AMY2B: variants seen among roughly 807,000 people sequenced by gnomAD.
The protein encoded by AMY2B is amylase alpha 2B.
In AMY2B, 63 loss-of-function variants were observed where a neutral mutation model predicts 59.3. That is an observed-to-expected ratio of 1.06 (90% CI 0.87 to 1.31). AMY2B has a LOEUF of 1.31. Among genes scored for constraint, AMY2B ranks in the 50% most tolerant of loss-of-function variants. The pLI is 0.00. For synonymous variants in AMY2B, 180 were observed against 198.1 expected (o/e 0.91, Z 0.77); for missense variants, 635 against 626.7 (o/e 1.01, Z -0.14).
In AMY2B at chr1:103,574,407, A is replaced by G. The variant is rs1405264924; in HGVS notation, c.878+14A>G. 19 of 1,610,770 alleles carry G rather than the reference A, an allele frequency of 1.2e-5. No individual in the cohort carries two copies. Among genetic ancestry groups the G allele is most frequent in the East Asian group, 6.7e-5 (3 of 44,866 alleles). ...GTCTTACCTAAAGTAAATAAATACA[A>G]CTTTTCCCCTGAAGTATTTCATAGA... On this transcript the variant is annotated intron_variant, in intron 5 of 9. Coordinates refer to ENST00000684275, the MANE Select transcript of AMY2B (RefSeq NM_001387437.1).
At chr1:103,572,615 T>G (rs549641121) in intron 2 of AMY2B, among the ~76,000 whole-genome samples, 1 of 152,332 alleles carries the variant, frequency 6.6e-6, no homozygotes, top group South Asian at 2.1e-4. Context: ...CCATAATTCC[T>G]GGGTTTTTCG....
chr1:103,571,411 A>T, upstream of AMY2B: 5 of 1,279,868 alleles, frequency 3.9e-6, no homozygotes, highest in East Asian at 2.5e-5. Flanking sequence ...CTAAAAGGTC[A>T]TTTAGATGAT....
rs140146360 is a variant in AMY2B, at chr1:103,571,630, A to G, written c.28A>G (p.Ile10Val). The change falls in exon 1 of 10, where the codon ATT (isoleucine) becomes GTT (valine). Residue 10 changes from isoleucine to valine, a missense_variant. By Grantham distance (29) the Ile-to-Val change is conservative. Transcript: ENST00000684275. ...GAAGTTCTTTCTGTTGCTTTTCACCATTGGGTTCTGCTGGGCTCAGTATTC... is the reference window on the plus strand; with the variant it reads ...GAAGTTCTTTCTGTTGCTTTTCACCGTTGGGTTCTGCTGGGCTCAGTATTC... MKFFLLLFT[I>V]GFCWAQYSPN... 57 of 1,611,694 alleles carry G rather than the reference A, an allele frequency of 3.5e-5. No individual in the cohort carries two copies. The African/African-American group carries it at 6.8e-4, about 19-fold the overall frequency.
intron 1 of AMY2B, chr1:103,562,110 G>T (rs1009111769): frequency 5.3e-5 from 8 of 152,162 alleles, no homozygotes; most frequent in Admixed American, 3.9e-4. Context: ...TTGTTTTAAT[G>T]TTTTTTGAGT....
At chr1:103,570,603 C>T (rs1396352925), upstream of AMY2B, 1 of 590,196 alleles carries the variant, frequency 1.7e-6, no homozygotes, top group East Asian at 4.2e-5. Context: ...GTCAGCCTTC[C>T]AGCAGATGTG....
upstream of AMY2B, chr1:103,569,521 C>T (rs930415470): frequency 1.8e-4 from 49 of 276,876 alleles, 1 homozygote; most frequent in South Asian, 1.3e-3. Context: ...GTTGTCCTGC[C>T]GCTCCACTGT....
chr1:103,574,434 T>A (rs774829154), intron 5 of AMY2B, 41 bp downstream of exon 5: 1 of 1,608,574 alleles, frequency 6.2e-7, no homozygotes, highest in East Asian at 2.2e-5. Flanking sequence ...TTTCATAGAT[T>A]TATTAGTCAT....
At chr1:103,560,821 T>C (rs1407120217) in intron 1 of AMY2B, among the ~76,000 whole-genome samples, 2 of 152,148 alleles carry the variant, frequency 1.3e-5, no homozygotes, top group Non-Finnish European at 2.9e-5. Flanking sequence ...TTTTAAAATA[T>C]TTTCATATAA....
upstream of AMY2B, among the ~76,000 whole-genome samples, chr1:103,567,157 T>C (rs1651936663): frequency 6.6e-6 from 1 of 152,160 alleles, no homozygotes; most frequent in Non-Finnish European, 1.5e-5. Context: ...GTAAGCTTCA[T>C]AAAGTTGTGG....
chr1:103,558,167 CAGAA>C (rs1393677490), intron 1 of AMY2B, among the ~76,000 whole-genome samples: 4 of 152,246 alleles, frequency 2.6e-5, no homozygotes, highest in African/African-American at 9.6e-5. Context: ...GAAATGTGAG[CAGAA>C]AGATTGTTTT....
At chr1:103,557,103 G>C (rs1651577554) in intron 1 of AMY2B, among the ~76,000 whole-genome samples, 1 of 151,944 alleles carries the variant, frequency 6.6e-6, no homozygotes, top group African/African-American at 2.4e-5. Flanking sequence ...ACGGTATATA[G>C]AGCGTCCATT....
chr1:103,569,538 C>T (rs1257316931), upstream of AMY2B: 1 of 322,598 alleles, frequency 3.1e-6, no homozygotes, highest in Non-Finnish European at 6.4e-6. Context: ...CTGTCCCACT[C>T]CTCCACCAGT....
At chr1:103,555,458 T>C (rs1315556205) in intron 1 of AMY2B, among the ~76,000 whole-genome samples, 1 of 152,120 alleles carries the variant, frequency 6.6e-6, no homozygotes, top group Non-Finnish European at 1.5e-5. Context: ...ACTGGGCTTT[T>C]GGTTTTTTGG....
rs756695421 is a variant in AMY2B, at chr1:103,577,602, A to C, written c.1214A>C (p.Gln405Pro). The C allele has an allele frequency of 1.2e-6, 2 of 1,611,952 alleles. No individual in the cohort carries two copies. The highest frequency in any genetic ancestry group is 2.2e-5 in the South Asian group (2 of 90,988). Residue 405 changes from glutamine (Q) to proline (P), a missense_variant, in exon 8 of 10, where the codon CAA becomes CCA. Physicochemically the swap from Gln to Pro is moderately conservative, Grantham distance 76. Coordinates refer to ENST00000684275, the MANE Select transcript of AMY2B (RefSeq NM_001387437.1). The part of the protein sequence containing the change: ...NDWVCEHRWR[Q>P]IRNMVNFRNV... ...TGGGTCTGTGAACATCGATGGCGCC[A>C]AATAAGGTGAGAATATGTATTTAGA...
chr1:103,576,380 T>C (rs187871235), intron 7 of AMY2B, among the ~76,000 whole-genome samples: 48 of 152,322 alleles, frequency 3.2e-4, no homozygotes, highest in African/African-American at 1.1e-3. Flanking sequence ...TACTTTTATA[T>C]TGAGCCAACT....
At chr1:103,578,819 T>C (rs1172520264) in intron 9 of AMY2B, among the ~76,000 whole-genome samples, 1 of 147,012 alleles carries the variant, frequency 6.8e-6, no homozygotes, top group African/African-American at 2.5e-5. Context: ...TAAAACCCTT[T>C]AAAAATTTTT....
intron 1 of AMY2B, among the ~76,000 whole-genome samples, chr1:103,564,760 G>A (rs1217003431): frequency 6.6e-6 from 1 of 151,954 alleles, no homozygotes; most frequent in Non-Finnish European, 1.5e-5. Context: ...TCATTGCTTT[G>A]TTGAAAACTA....
intron 7 of AMY2B, among the ~76,000 whole-genome samples, chr1:103,576,171 G>A (rs182466000): frequency 1.3e-5 from 2 of 152,114 alleles, no homozygotes; most frequent in African/African-American, 2.4e-5. Flanking sequence ...ACAGATATTT[G>A]GAAAGCTAGT....
At chr1:103,574,238 CT>C in intron 4 of AMY2B, 21 bp from the exon 5 acceptor site, 1 of 1,611,414 alleles carries the variant, frequency 6.2e-7, no homozygotes, top group Non-Finnish European at 8.5e-7. Context: ...CAAAATGTTA[CT>C]TTTTCCTAAT....
Sources: allele counts gnomAD v4.1 joint callset (sites outside exome capture counted in the v4.1 genomes callset), GRCh38; gene constraint gnomAD v4.1.1; transcripts MANE v1.5; gene names NCBI Gene and HGNC (gene_info 2026-07-23, HGNC 2026-07-21).